Variants in ANXA4 observed in about 807,000 individuals in gnomAD.
ANXA4 encodes 35-beta calcimedin.
A neutral mutation model predicts 49.8 loss-of-function variants in ANXA4; 39 were observed. That is an observed-to-expected ratio of 0.78 (90% confidence interval 0.61 to 1.02). ANXA4 has a LOEUF of 1.02. ANXA4 is among the 50% of genes least tolerant of loss of function. The pLI is 0.00. For synonymous variants in ANXA4, 134 were observed against 152.5 expected, an observed-to-expected ratio of 0.88 and a Z score of 0.89; for missense variants, 360 against 410.1, an observed-to-expected ratio of 0.88 and a Z score of 1.05.
intron 1 of ANXA4, among the ~76,000 whole-genome samples, chr2:69,762,858 C>G (rs942366171): frequency 5.4e-5 from 5 of 92,682 alleles, no homozygotes; most frequent in African/African-American, 2.8e-4. Flanking sequence ...AACACACACA[C>G]TCACTCACAC....
intron 2 of ANXA4, among the ~76,000 whole-genome samples, chr2:69,698,712 G>A (rs903272522): frequency 2.6e-5 from 4 of 152,122 alleles, no homozygotes; most frequent in African/African-American, 7.2e-5. Context: ...ACTGAGACTC[G>A]ATCATGAGGG....
Position 69,656,233 on chromosome 2 carries a change from A to G in ANXA4, n.766+2951A>G, listed in dbSNP as rs938037101. 8.3e-5 allele frequency among the ~76,000 whole-genome samples: 10 copies of G among 120,472 alleles called. No individual in the cohort carries two copies. In the East Asian group the frequency reaches 1.3e-3, roughly 16 times the overall value. The allele number at this position is 120,472 out of a possible 152,430, so 79.0% of individuals were successfully genotyped here. ...CACACATATATATGTATATATGTAT[A>G]TATATACGTATATATATGTATATAC... is the stretch of plus-strand genomic sequence containing the variant. On this transcript the variant is annotated intron_variant and non_coding_transcript_variant, in intron 2 of 3. Coordinates refer to the ANXA4 transcript ENST00000418066.
chr2:69,735,838 G>A (rs1670231257), intron 3 of ANXA4, among the ~76,000 whole-genome samples: 1 of 152,132 alleles, frequency 6.6e-6, no homozygotes, highest in Non-Finnish European at 1.5e-5. Flanking sequence ...CACTCAGAAT[G>A]TGTCAACTGG....
At chr2:69,803,577 G>A (rs1430729322) in intron 3 of ANXA4, 1 of 152,214 alleles carries the variant, frequency 6.6e-6, no homozygotes. Flanking sequence ...GTAAGATGTT[G>A]TATCATGGTA....
upstream of ANXA4, among the ~76,000 whole-genome samples, chr2:69,741,402 G>A (rs1293421362): frequency 6.6e-6 from 1 of 152,208 alleles, no homozygotes; most frequent in African/African-American, 2.4e-5. Flanking sequence ...GATGAGCGCC[G>A]CGCCAAGCCG....
chr2:69,799,674 G>A (rs939365032), intron 3 of ANXA4, among the ~76,000 whole-genome samples: 1 of 152,126 alleles, frequency 6.6e-6, no homozygotes, highest in African/African-American at 2.4e-5. Flanking sequence ...CCTTCATGCT[G>A]GGTAGGTACA....
intron 1 of ANXA4, among the ~76,000 whole-genome samples, chr2:69,652,717 G>C (rs1363378838): frequency 6.6e-6 from 1 of 152,084 alleles, no homozygotes; most frequent in Non-Finnish European, 1.5e-5. Context: ...AAATTAGTCA[G>C]GCATGGTGGC....
At chr2:69,761,658 C>T (rs370303786) in intron 1 of ANXA4, among the ~76,000 whole-genome samples, 11 of 151,930 alleles carry the variant, frequency 7.2e-5, no homozygotes, top group East Asian at 1.9e-4. Flanking sequence ...CAGTGGCTCA[C>T]GCCTGTAATC....
At chr2:69,694,064 C>T (rs1357830419) in intron 2 of ANXA4, among the ~76,000 whole-genome samples, 1 of 152,158 alleles carries the variant, frequency 6.6e-6, no homozygotes. Context: ...ATCATGGAAA[C>T]ACTGTTTACC....
intron 1 of ANXA4, among the ~76,000 whole-genome samples, chr2:69,652,198 GT>G (rs1310607750): frequency 1.3e-5 from 2 of 151,898 alleles, no homozygotes; most frequent in Non-Finnish European, 2.9e-5. Context: ...TAGAGACAGG[GT>G]TTTGCCATGT....
intron 2 of ANXA4, among the ~76,000 whole-genome samples, chr2:69,669,319 G>C (rs1275575329): frequency 6.6e-6 from 1 of 151,396 alleles, no homozygotes; most frequent in African/African-American, 2.4e-5. Flanking sequence ...TGTTTATAAA[G>C]AATCATAAGG....
chr2:69,654,804 G>C (rs565229326), intron 2 of ANXA4, among the ~76,000 whole-genome samples: 5 of 152,290 alleles, frequency 3.3e-5, no homozygotes, highest in African/African-American at 1.2e-4. Context: ...AACCAAAACA[G>C]CATAGTACTG....
At chr2:69,694,043 C>A (rs185636352) in intron 2 of ANXA4, among the ~76,000 whole-genome samples, 1 of 152,092 alleles carries the variant, frequency 6.6e-6, no homozygotes, top group East Asian at 1.9e-4. Flanking sequence ...CCTATTCCAA[C>A]GTATCTGATT....
intron 3 of ANXA4, among the ~76,000 whole-genome samples, chr2:69,798,993 G>A (rs1296521250): frequency 6.6e-6 from 1 of 152,194 alleles, no homozygotes; most frequent in Non-Finnish European, 1.5e-5. Flanking sequence ...TCCCGAGCAG[G>A]TTGCTAAGCA....
intron 2 of ANXA4, among the ~76,000 whole-genome samples, chr2:69,692,763 C>T (rs1027383247): frequency 1.3e-5 from 2 of 152,118 alleles, no homozygotes; most frequent in South Asian, 4.1e-4. Flanking sequence ...ATGTGCCTAG[C>T]GCTAGGTAAG....
At chr2:69,799,437 C>T (rs757737920) in intron 3 of ANXA4, among the ~76,000 whole-genome samples, 2 of 152,228 alleles carry the variant, frequency 1.3e-5, no homozygotes, top group East Asian at 3.8e-4. Context: ...CTGTATTTTA[C>T]AGCCTGAACT....
chr2:69,741,428 G>C (rs555427410), upstream of ANXA4, among the ~76,000 whole-genome samples: 5 of 152,306 alleles, frequency 3.3e-5, no homozygotes, highest in African/African-American at 1.2e-4. Context: ...GGGAGCTACG[G>C]ACAGTGTCTA....
chr2:69,731,116 G>A (rs1411971535), intron 3 of ANXA4, among the ~76,000 whole-genome samples: 1 of 152,186 alleles, frequency 6.6e-6, no homozygotes, highest in Non-Finnish European at 1.5e-5. Flanking sequence ...CTACCAGGAT[G>A]CAGAAGGTAA....
At chr2:69,778,697 C>T (rs1366007334) in intron 1 of ANXA4, among the ~76,000 whole-genome samples, 1 of 149,170 alleles carries the variant, frequency 6.7e-6, no homozygotes, top group African/African-American at 2.5e-5. Flanking sequence ...ATCACTTGAA[C>T]CCGGGAGGCG....
Sources: gnomAD v4.1 joint callset for allele counts (sites outside exome capture counted in the v4.1 genomes callset) on GRCh38, gnomAD v4.1.1 for gene constraint, MANE v1.5 for transcripts, NCBI Gene and HGNC (gene_info 2026-07-23, HGNC 2026-07-21) for gene names.